Variants in SPMIP7 observed in about 807,000 individuals in gnomAD.
The protein encoded by SPMIP7 is protein SPMIP7.
chr7:50,117,125 C>A, the SPMIP7 span: 3 of 387,236 alleles, frequency 7.7e-6, no homozygotes, highest in Non-Finnish European at 1.5e-5. Context: ...AGAAGACAGC[C>A]ATGAGGAGGC....
the SPMIP7 span, among the ~76,000 whole-genome samples, chr7:50,101,578 T>C: frequency 1.3e-5 from 2 of 152,118 alleles, no homozygotes; most frequent in African/African-American, 2.4e-5. Context: ...TCAAACTTAG[T>C]CTTAAATTTG....
At chr7:50,111,937 CCCA>C in the SPMIP7 span, among the ~76,000 whole-genome samples, 1 of 152,128 alleles carries the variant, frequency 6.6e-6, no homozygotes, top group Admixed American at 6.6e-5. Flanking sequence ...GACAATTACT[CCCA>C]CGTCAACTAT....
At chr7:50,141,812 C>A in the SPMIP7 span, 1 of 149,358 alleles carries the variant, frequency 6.7e-6, no homozygotes, top group South Asian at 1.9e-4. Flanking sequence ...TCACTGCAGA[C>A]ACCGCCTCCT....
the SPMIP7 span, among the ~76,000 whole-genome samples, chr7:50,139,484 C>T: frequency 6.6e-6 from 1 of 151,762 alleles, no homozygotes; most frequent in South Asian, 2.1e-4. Context: ...AGTTCTAAAA[C>T]TTTATTGGTA....
chr7:50,154,628 A>T, the SPMIP7 span, among the ~76,000 whole-genome samples: 832 of 152,340 alleles, frequency 5.5e-3, 5 homozygotes, highest in Non-Finnish European at 7.1e-3. Context: ...ATCAACAGAC[A>T]TCGAGGTTGT....
chr7:50,120,495 T>G, the SPMIP7 span: 1 of 152,434 alleles, frequency 6.6e-6, no homozygotes, highest in South Asian at 2.1e-4. Flanking sequence ...GTCTTGCCCA[T>G]GGTGCTAAAC....
chr7:50,122,106 C>T, the SPMIP7 span, among the ~76,000 whole-genome samples: 1 of 152,042 alleles, frequency 6.6e-6, no homozygotes, highest in Non-Finnish European at 1.5e-5. Flanking sequence ...TAAAAGAAAT[C>T]CTGCCTAATA....
the SPMIP7 span, among the ~76,000 whole-genome samples, chr7:50,136,511 T>C: frequency 1.3e-5 from 2 of 152,168 alleles, no homozygotes; most frequent in Middle Eastern, 3.2e-3. Context: ...GCCTGGGTGA[T>C]GAGCGAGACT....
the SPMIP7 span, among the ~76,000 whole-genome samples, chr7:50,131,990 A>AT: frequency 6.6e-5 from 10 of 152,048 alleles, no homozygotes; most frequent in South Asian, 2.1e-4. Flanking sequence ...TTTCAACTTC[A>AT]TTTTTTTTCA....
At chr7:50,116,744 T>TA in the SPMIP7 span, among the ~76,000 whole-genome samples, 3 of 152,116 alleles carry the variant, frequency 2.0e-5, no homozygotes, top group Non-Finnish European at 2.9e-5. Context: ...AAAAGTTCTT[T>TA]AAAAAAATGG....
At chr7:50,097,034 A>G in the SPMIP7 span, among the ~76,000 whole-genome samples, 1 of 152,262 alleles carries the variant, frequency 6.6e-6, no homozygotes, top group Non-Finnish European at 1.5e-5. Flanking sequence ...GATTGAAATA[A>G]AATGGGAAAA....
At chr7:50,119,287 C>A in the SPMIP7 span, among the ~76,000 whole-genome samples, 2 of 152,190 alleles carry the variant, frequency 1.3e-5, no homozygotes, top group Non-Finnish European at 2.9e-5. Flanking sequence ...GAAGGTAAAC[C>A]TGACCAGGAA....
the SPMIP7 span, among the ~76,000 whole-genome samples, chr7:50,138,783 T>G: frequency 1.3e-5 from 2 of 150,920 alleles, no homozygotes; most frequent in African/African-American, 4.9e-5. Flanking sequence ...TTTTTGGTAA[T>G]TGGTAGAAAA....
At chr7:50,136,908 T>C in the SPMIP7 span, among the ~76,000 whole-genome samples, 5 of 152,324 alleles carry the variant, frequency 3.3e-5, no homozygotes, top group Non-Finnish European at 5.9e-5. Context: ...GAATATGACA[T>C]AGTCTGTGTG....
chr7:50,148,543 G>GACATGTCCTTTCACACAGACATGTGAA, the SPMIP7 span, among the ~76,000 whole-genome samples: 3 of 152,194 alleles, frequency 2.0e-5, no homozygotes, highest in Non-Finnish European at 4.4e-5. Flanking sequence ...ACAGATGGAG[G>GACATGTCCTTTCACACAGACATGTGAA]GGATTTCCTT....
At chr7:50,104,134 A>G in the SPMIP7 span, among the ~76,000 whole-genome samples, 7 of 152,228 alleles carry the variant, frequency 4.6e-5, no homozygotes, top group Non-Finnish European at 5.9e-5. Flanking sequence ...TTCGGCTCAC[A>G]TAGAAATTCC....
the SPMIP7 span, among the ~76,000 whole-genome samples, chr7:50,125,339 C>CAT: frequency 1.2e-3 from 73 of 62,112 alleles, no homozygotes; most frequent in East Asian, 0.03. Flanking sequence ...CATATATATA[C>CAT]ATATATATAC....
At chr7:50,107,132 G>C in the SPMIP7 span, among the ~76,000 whole-genome samples, 1 of 151,904 alleles carries the variant, frequency 6.6e-6, no homozygotes, top group Admixed American at 6.6e-5. Flanking sequence ...AAGGCAGGTG[G>C]ATCACCTGAG....
At chr7:50,115,968 G>A in the SPMIP7 span, among the ~76,000 whole-genome samples, 1 of 152,016 alleles carries the variant, frequency 6.6e-6, no homozygotes, top group Non-Finnish European at 1.5e-5. Flanking sequence ...TTTCACCTAA[G>A]CACTGAAGTT....
Sources: gnomAD v4.1 joint callset for allele counts (sites outside exome capture counted in the v4.1 genomes callset) on GRCh38, gnomAD v4.1.1 for gene constraint, MANE v1.5 for transcripts, NCBI Gene and HGNC (gene_info 2026-07-23, HGNC 2026-07-21) for gene names.